Variants in FAM25G observed in about 807,000 individuals in gnomAD.
FAM25G encodes the protein family with sequence similarity 25 member G.
A neutral mutation model predicts 6.4 loss-of-function variants in FAM25G; 3 were observed. The ratio of observed to expected loss-of-function variants is 0.47; its 90% CI spans 0.21 to 1.21. The LOEUF (loss-of-function observed/expected upper bound fraction) is 1.21, where lower values mean the gene tolerates loss of function less well. FAM25G is among the 50% of genes most tolerant of loss of function. FAM25G has a pLI of 0.22. For missense variants in FAM25G, 34 were observed against 76.0 expected (o/e 0.45, Z 2.06); for synonymous variants, 15 against 31.3 (o/e 0.48, Z 1.74).
chr10:47,488,202 C>T (rs1840079934), intron 2 of FAM25G, among the ~76,000 whole-genome samples: 1 of 130,946 alleles, frequency 7.6e-6, no homozygotes, highest in Non-Finnish European at 1.6e-5. Flanking sequence ...TTCTAAGTCA[C>T]CCAGTTTATG....
chr10:47,488,712 AATTTTTTT>A (rs1394361167), intron 2 of FAM25G, among the ~76,000 whole-genome samples: 2 of 95,974 alleles, frequency 2.1e-5, no homozygotes, highest in African/African-American at 4.1e-5. Flanking sequence ...TTACATGTTA[AATTTTTTT>A]TTTTTTTTTT....
At chr10:47,489,955 G>C (rs2132453573) in intron 1 of FAM25G, among the ~76,000 whole-genome samples, 1 of 150,754 alleles carries the variant, frequency 6.6e-6, no homozygotes, top group Admixed American at 6.6e-5. Flanking sequence ...TGGCTGCTGG[G>C]AGACGAGCTC....
intron 1 of FAM25G, chr10:47,490,474 C>T (rs1204498551): frequency 6.5e-6 from 1 of 152,732 alleles, no homozygotes; most frequent in South Asian, 2.1e-4. Flanking sequence ...TTCTGGGAGC[C>T]CACGCTATTT....
At chr10:47,487,979 G>A (rs1840076994) in intron 2 of FAM25G, among the ~76,000 whole-genome samples, 1 of 149,628 alleles carries the variant, frequency 6.7e-6, no homozygotes, top group Non-Finnish European at 1.5e-5. Flanking sequence ...CAGTCTTAAT[G>A]TAATGATATT....
At chr10:47,490,190 T>C (rs1840125495) in intron 1 of FAM25G, 1 of 179,120 alleles carries the variant, frequency 5.6e-6, no homozygotes, top group Non-Finnish European at 1.2e-5. Flanking sequence ...AAAACGGAAT[T>C]CTCTGCCTAC....
chr10:47,489,454 C>CA (rs1398114894), intron 2 of FAM25G, 132 bp downstream of exon 2: 14 of 636,174 alleles, frequency 2.2e-5, no homozygotes, highest in Non-Finnish European at 4.0e-5. Flanking sequence ...ATAACTGCCC[C>CA]AGCCAAGAGG....
Position 47,488,958 on chromosome 10 carries a change from G to A in FAM25G, c.136+628C>T, listed in dbSNP as rs1327491845. On this transcript the variant is annotated intron_variant, in intron 2 of 2. Transcript: ENST00000452267. The stretch of plus-strand genomic sequence containing the variant: ...TCTGGATCTCCTGACCTCATGATCC[G>A]CCCACCTCAGCCTCCCAAAGTGCTG... Among the ~76,000 whole-genome samples, 23 of 147,352 alleles carry A rather than the reference G, an allele frequency of 1.6e-4. 1 individual carries two copies. Among genetic ancestry groups the A allele is most frequent in the South Asian group, 4.3e-4 (2 of 4,628 alleles).
chr10:47,487,688 T>C (rs1840071931), intron 2 of FAM25G, among the ~76,000 whole-genome samples: 1 of 148,802 alleles, frequency 6.7e-6, no homozygotes, highest in Non-Finnish European at 1.5e-5. Flanking sequence ...TGACCATTTT[T>C]ATATTGGGTT....
chr10:47,488,934 C>G (rs1215794011), intron 2 of FAM25G, among the ~76,000 whole-genome samples: 1 of 147,740 alleles, frequency 6.8e-6, no homozygotes, highest in African/African-American at 2.5e-5. Flanking sequence ...TCACCGTGGT[C>G]TGGATCTCCT....
intron 2 of FAM25G, among the ~76,000 whole-genome samples, chr10:47,489,308 GCA>G (rs1840104973): frequency 6.9e-6 from 1 of 143,906 alleles, no homozygotes; most frequent in Non-Finnish European, 1.5e-5. Context: ...ATGAGCCACC[GCA>G]CCCTGCCATG....
intron 1 of FAM25G, 108 bp downstream of exon 1, chr10:47,491,494 C>T (rs1840150939): frequency 1.4e-6 from 1 of 705,422 alleles, no homozygotes; most frequent in East Asian, 3.0e-5. Flanking sequence ...TCCTGAGGGG[C>T]CAAGGCCTCC....
At chr10:47,488,789 G>A (rs1436526646) in intron 2 of FAM25G, among the ~76,000 whole-genome samples, 18 of 123,298 alleles carry the variant, frequency 1.5e-4, no homozygotes, top group South Asian at 2.8e-4. Flanking sequence ...GTGCAGTGTC[G>A]CGATCTCGGC....
chr10:47,489,960 G>A (rs1243316679), intron 1 of FAM25G, among the ~76,000 whole-genome samples: 1 of 150,474 alleles, frequency 6.6e-6, no homozygotes, highest in African/African-American at 2.5e-5. Flanking sequence ...GCTGGGAGAC[G>A]AGCTCAATGA....
At chr10:47,488,786 G>A (rs1840092216) in intron 2 of FAM25G, among the ~76,000 whole-genome samples, 1 of 126,350 alleles carries the variant, frequency 7.9e-6, no homozygotes, top group Admixed American at 9.8e-5. Context: ...GGAGTGCAGT[G>A]TCGCGATCTC....
chr10:47,491,572 C>T lies in FAM25G; in HGVS notation c.73+30G>A, dbSNP rs1240903990. 2.1e-5 allele frequency: 32 copies of T among 1,499,960 alleles called. 1 individual carries two copies. Among genetic ancestry groups the T allele is most frequent in the Non-Finnish European group, 2.9e-5 (32 of 1,113,544 alleles). 92.9% of individuals were successfully genotyped at this position (1,499,960 alleles called of 1,614,324 possible). A position where few individuals can be genotyped will look rare whatever the true frequency, so the allele number is the denominator to read the frequency against. ...CCCAGTCTGCCCCAGATCCCCCCAG[C>T]CCAGGTAGAAAGGAGCCCTGGGTCC... On this transcript the variant is annotated intron_variant, in intron 1 of 2. Transcript: ENST00000452267.
chr10:47,489,833 C>T (rs1840115473), intron 1 of FAM25G, among the ~76,000 whole-genome samples, 185 bp from the exon 2 acceptor site: 1 of 135,738 alleles, frequency 7.4e-6, no homozygotes, highest in Non-Finnish European at 1.6e-5. Flanking sequence ...CAGACCTATA[C>T]ATCCCTGGGC....
At position 47,487,402 on chromosome 10, in the gene FAM25G, G is replaced by T; in HGVS notation, c.143C>A (p.Ala48Asp). The change falls in exon 3 of 3, where the codon GCT (alanine) becomes GAT (aspartate). Residue 48 changes from alanine (A) to aspartate (D), a missense_variant. By Grantham distance (126) the Ala-to-Asp change is moderately radical. Coordinates refer to ENST00000452267, the MANE Select transcript of FAM25G (RefSeq NM_001137549.2). ...HAKETGEKAI[A>D]EAIKKAQESG... ...CTCCTGGGCTTTCTTTATGGCTTCA[G>T]CAATGGCTGTTGGAAAGAGGAAGAA... 1 of 1,080,862 alleles carries T rather than the reference G, an allele frequency of 9.3e-7. No homozygotes were observed. Among genetic ancestry groups the T allele is most frequent in the Non-Finnish European group, 1.3e-6 (1 of 775,168 alleles). 67.0% of individuals were successfully genotyped at this position (1,080,862 alleles called of 1,614,324 possible).
intron 1 of FAM25G, 45 bp from the exon 2 acceptor site, chr10:47,489,693 G>T (rs1348065795): frequency 1.7e-6 from 1 of 594,052 alleles, no homozygotes; most frequent in Non-Finnish European, 3.0e-6. Context: ...AGAGCAGGCC[G>T]GCTGCCCCCG....
Position 47,487,246 on chromosome 10 carries a change from C to A in FAM25G, c.*29G>T. On this transcript the variant is annotated 3_prime_UTR_variant, in exon 3 of 3. Coordinates refer to ENST00000452267, the MANE Select transcript of FAM25G (RefSeq NM_001137549.2). The stretch of plus-strand genomic sequence containing the variant: ...CACATGTCATGGCTTTTTATTGAGA[C>A]TGGGGAAGGGCCGTGGTAGCAGGTG... 2 of 1,246,258 alleles carry A rather than the reference C, an allele frequency of 1.6e-6. No individual in the cohort carries two copies. Among genetic ancestry groups the A allele is most frequent in the Non-Finnish European group, 2.2e-6 (2 of 907,726 alleles). 77.2% of individuals were successfully genotyped at this position (1,246,258 alleles called of 1,614,324 possible). A position where few individuals can be genotyped will look rare whatever the true frequency, so the allele number is the denominator to read the frequency against.
Sources: allele counts gnomAD v4.1 joint callset (sites outside exome capture counted in the v4.1 genomes callset), GRCh38; gene constraint gnomAD v4.1.1; transcripts MANE v1.5; gene names NCBI Gene and HGNC (gene_info 2026-07-23, HGNC 2026-07-21).